OSBP: variants seen among roughly 807,000 people sequenced by gnomAD.
OSBP encodes the protein oxysterol-binding protein 1.
A neutral mutation model predicts 96.6 loss-of-function variants in OSBP; 32 were observed. The ratio of observed to expected loss-of-function variants is 0.33; its 90% CI spans 0.25 to 0.45. OSBP has a LOEUF of 0.45. OSBP is among the 20% of genes least tolerant of loss of function. The pLI, the probability that OSBP is intolerant of heterozygous loss-of-function variation, is 1.00. For synonymous variants in OSBP, 369 were observed against 389.6 expected (o/e 0.95, Z 0.62); for missense variants, 653 against 1,029.7 (o/e 0.63, Z 5.01).
Position 59,601,909 on chromosome 11 carries a change from T to C in OSBP, c.823-71A>G, listed in dbSNP as rs148891487. The C allele has an allele frequency of 3.8e-3, 5,243 of 1,362,338 alleles. 39 individuals carry two copies. Among genetic ancestry groups the C allele is most frequent in the South Asian group, 0.012 (947 of 78,544 alleles). The allele number at this position is 1,362,338 out of a possible 1,614,324, so 84.4% of individuals were successfully genotyped here. ...TTCCCCTCAGGCTTCTGCAAGCCCA[T>C]TGAGTAACCTTATTCTGGGAACTTT... On this transcript the variant is annotated intron_variant, in intron 3 of 13. Transcript: ENST00000263847.
chr11:59,601,060 G>A (rs1333084393), intron 5 of OSBP, among the ~76,000 whole-genome samples, 187 bp from the exon 6 acceptor site: 1 of 126,754 alleles, frequency 7.9e-6, no homozygotes, highest in Non-Finnish European at 1.6e-5. Flanking sequence ...TAAAAAAGCT[G>A]ACATTTTTTC....
At chr11:59,604,621 G>A (rs893344721) in intron 3 of OSBP, among the ~76,000 whole-genome samples, 1 of 152,166 alleles carries the variant, frequency 6.6e-6, no homozygotes, top group African/African-American at 2.4e-5. Context: ...AGAATTGCTT[G>A]AACCCAAGAG....
Position 59,576,810 on chromosome 11 carries a change from T to A in OSBP, c.2276A>T (p.Glu759Val), listed in dbSNP as rs529893810. Residue 759 changes from glutamate (E) to valine (V), a missense_variant, in exon 13 of 14, where the codon GAG becomes GTG. By Grantham distance (121) the Glu-to-Val change is moderately radical. Coordinates refer to ENST00000263847, the MANE Select transcript of OSBP (RefSeq NM_002556.3). ...GTAGAAGGGAAGTTCATTACCATCC[T>A]CTGTGGCTTTCATAGCTTCCGCTTC... ...KREAEAMKAT[E>V]DGTPYDPYKA... The A allele has an allele frequency of 8.4e-5, 136 of 1,614,092 alleles. 2 individuals carry two copies. In the South Asian group the frequency reaches 1.4e-3, roughly 17 times the overall value.
At position 59,594,037 on chromosome 11, in the gene OSBP, C is replaced by T. The variant is rs908640685; in HGVS notation, c.1530G>A (p.Glu510=). The change falls in exon 8 of 14, where the codon GAG becomes GAA. Residue 510 remains glutamate (E), a synonymous_variant. Transcript: ENST00000263847. ...GTTCACAGAGGGATCGGTACCCATT[C>T]TCCTCTAATCGGTCCAGCTCAAAGG... ...GETFELDRLE[E]NGYRSLCEQV... 1 of 1,614,094 alleles carries T rather than the reference C, an allele frequency of 6.2e-7. No individual in the cohort carries two copies. The highest frequency in any genetic ancestry group is 8.5e-7 in the Non-Finnish European group (1 of 1,179,998).
intron 9 of OSBP, among the ~76,000 whole-genome samples, chr11:59,588,671 T>A (rs1036138358): frequency 2.0e-5 from 3 of 151,946 alleles, no homozygotes; most frequent in Admixed American, 1.3e-4. Flanking sequence ...CACTTAAGAA[T>A]GGGTAAGGTG....
chr11:59,604,723 G>C lies in OSBP; in HGVS notation c.823-2885C>G, dbSNP rs1403568232. On this transcript the variant is annotated intron_variant, in intron 3 of 13. Coordinates refer to ENST00000263847, the MANE Select transcript of OSBP (RefSeq NM_002556.3). The stretch of plus-strand genomic sequence containing the variant: ...CTCAAAAAAAAAGTTGAGTGTAGCA[G>C]CTCTGCCTGTAGTCCCAGCTACTCA... Among the ~76,000 whole-genome samples the C allele has an allele frequency of 3.3e-5, 5 of 150,894 alleles. No homozygotes were observed. In the East Asian group the frequency reaches 9.9e-4, roughly 30 times the overall value.
chr11:59,591,765 C>T (rs1379541689), intron 9 of OSBP, among the ~76,000 whole-genome samples: 1 of 151,932 alleles, frequency 6.6e-6, no homozygotes, highest in Non-Finnish European at 1.5e-5. Flanking sequence ...GGATTACAGG[C>T]ACCCACCACC....
intron 10 of OSBP, among the ~76,000 whole-genome samples, chr11:59,580,639 T>A (rs2134651932): frequency 1.3e-5 from 2 of 152,302 alleles, no homozygotes; most frequent in Middle Eastern, 6.8e-3. Flanking sequence ...TTACATATGG[T>A]CGGCCTTTCT....
At chr11:59,608,335 C>T (rs1047453758) in intron 3 of OSBP, 149 bp downstream of exon 3, 6 of 916,216 alleles carry the variant, frequency 6.5e-6, no homozygotes, top group Non-Finnish European at 8.6e-6. Flanking sequence ...CTATTTCATG[C>T]AGTAAACAAT....
intron 3 of OSBP, among the ~76,000 whole-genome samples, chr11:59,606,197 A>G (rs1860778005): frequency 6.6e-6 from 1 of 152,214 alleles, no homozygotes; most frequent in Non-Finnish European, 1.5e-5. Flanking sequence ...ATCTGCCCTC[A>G]GCAATATCCA....
chr11:59,594,329 T>C, intron 7 of OSBP, 74 bp from the exon 8 acceptor site: 3 of 1,482,216 alleles, frequency 2.0e-6, no homozygotes. Context: ...TTTTGCAGTT[T>C]AGGAAATAAA....
intron 1 of OSBP, among the ~76,000 whole-genome samples, chr11:59,611,018 C>T (rs7129604): frequency 0.02 from 2,995 of 151,458 alleles, 37 homozygotes; most frequent in Non-Finnish European, 0.032. Flanking sequence ...GCCTGTAATT[C>T]CAGCTACTCA....
At chr11:59,614,817 C>A (rs1428389261) in intron 1 of OSBP, among the ~76,000 whole-genome samples, 1 of 152,188 alleles carries the variant, frequency 6.6e-6, no homozygotes, top group Non-Finnish European at 1.5e-5. Flanking sequence ...GTGAAGGGAG[C>A]AAGGACGGGT....
At chr11:59,610,798 ATTTTT>A (rs61595958) in intron 1 of OSBP, among the ~76,000 whole-genome samples, 1 of 127,128 alleles carries the variant, frequency 7.9e-6, no homozygotes, top group Admixed American at 7.9e-5. Context: ...TCTGAGTCAG[ATTTTT>A]TTTTTTTTTT....
At position 59,594,067 on chromosome 11, in the gene OSBP, C is replaced by T; in HGVS notation, c.1500G>A (p.Gly500=). 6.2e-7 allele frequency: 1 copy of T among 1,614,084 alleles called. No individual in the cohort carries two copies. The highest frequency in any genetic ancestry group is 1.1e-5 in the South Asian group (1 of 91,082). ...CTAATCGGTCCAGCTCAAAGGTCTCCCCAAGCAGTGGGTTGAATGGCTTAC... is the reference window on the plus strand; with the variant it reads ...CTAATCGGTCCAGCTCAAAGGTCTCTCCAAGCAGTGGGTTGAATGGCTTAC... The part of the protein sequence containing the change: ...RTSKPFNPLL[G]ETFELDRLEE... The change falls in exon 8 of 14, where the codon GGG becomes GGA. Residue 500 remains glycine, a synonymous_variant. Coordinates refer to ENST00000263847, the MANE Select transcript of OSBP (RefSeq NM_002556.3).
chr11:59,597,205 C>T (rs929845622), intron 7 of OSBP, among the ~76,000 whole-genome samples: 2 of 151,902 alleles, frequency 1.3e-5, no homozygotes, highest in Non-Finnish European at 2.9e-5. Context: ...ATTACAGACG[C>T]GCGCCAACAT....
intron 1 of OSBP, among the ~76,000 whole-genome samples, chr11:59,611,702 G>A (rs560266732): frequency 3.3e-5 from 5 of 152,246 alleles, no homozygotes; most frequent in South Asian, 2.1e-4. Context: ...CTCCTAAGCC[G>A]TCTATTAATA....
chr11:59,613,783 G>A (rs1384275238), intron 1 of OSBP, among the ~76,000 whole-genome samples: 2 of 152,214 alleles, frequency 1.3e-5, no homozygotes, highest in Non-Finnish European at 2.9e-5. Context: ...TGATTAAGCA[G>A]TGAGGATGAG....
At position 59,575,210 on chromosome 11, in the gene OSBP, C is replaced by A. The variant is rs1335900523; in HGVS notation, c.*1367G>T. The stretch of plus-strand genomic sequence containing the variant: ...GCCCTCCGGACTTTCTACCCACACT[C>A]TTCCTGAAAAGAGAAAGAAAAGAGG... On this transcript the variant is annotated 3_prime_UTR_variant, in exon 14 of 14. Coordinates refer to ENST00000263847, the MANE Select transcript of OSBP (RefSeq NM_002556.3). The A allele has an allele frequency of 7.0e-6, 1 of 142,722 alleles. No homozygotes were observed. Among genetic ancestry groups the A allele is most frequent in the Non-Finnish European group, 1.6e-5 (1 of 61,722 alleles). 8.8% of individuals were successfully genotyped at this position (142,722 alleles called of 1,614,324 possible). A position where few individuals can be genotyped will look rare whatever the true frequency, so the allele number is the denominator to read the frequency against.
Sources: allele counts gnomAD v4.1 joint callset (sites outside exome capture counted in the v4.1 genomes callset), GRCh38; gene constraint gnomAD v4.1.1; transcripts MANE v1.5; gene names NCBI Gene and HGNC (gene_info 2026-07-23, HGNC 2026-07-21).